The following SMARCC1 variants were observed in gnomAD, a reference collection of about 807,000 sequenced individuals.
SMARCC1 encodes SWI/SNF related BAF chromatin remodeling complex subunit C1, also known as SWI/SNF complex subunit SMARCC1.
A neutral mutation model predicts 147.4 loss-of-function variants in SMARCC1; 43 were observed. The observed-to-expected ratio is 0.29, with a 90% CI of 0.23 to 0.38. The LOEUF (loss-of-function observed/expected upper bound fraction) is 0.38, where lower values mean the gene tolerates loss of function less well. Among genes scored for constraint, SMARCC1 ranks in the 10% least tolerant of loss-of-function variants. The probability of loss-of-function intolerance (pLI) is 1.00; values close to 1 mark genes in which losing one functional copy is unlikely to be tolerated. For missense variants in SMARCC1, 1,119 were observed against 1,381.1 expected (o/e 0.81, Z 3.01); for synonymous variants, 495 against 484.4 (o/e 1.02, Z -0.29).
At chr3:47,600,529 A>G (rs1349695329) in intron 26 of SMARCC1, among the ~76,000 whole-genome samples, 1 of 152,224 alleles carries the variant, frequency 6.6e-6, no homozygotes, top group Non-Finnish European at 1.5e-5. Context: ...GCCTCAGAGA[A>G]GCTATGTAAT....
At chr3:47,704,066 G>A (rs1472540554) in intron 10 of SMARCC1, among the ~76,000 whole-genome samples, 1 of 152,106 alleles carries the variant, frequency 6.6e-6, no homozygotes, top group Non-Finnish European at 1.5e-5. Context: ...CCAAAGTGCT[G>A]GGATTACAGG....
At chr3:47,697,302 CT>C (rs763264887) in intron 11 of SMARCC1, among the ~76,000 whole-genome samples, 440 of 134,338 alleles carry the variant, frequency 3.3e-3, no homozygotes, top group East Asian at 9.6e-3. Flanking sequence ...GAGATCCTGA[CT>C]TTTTTTTTTT....
intron 2 of SMARCC1, among the ~76,000 whole-genome samples, chr3:47,750,338 G>C (rs1453609447): frequency 2.6e-5 from 4 of 152,118 alleles, no homozygotes; most frequent in Non-Finnish European, 5.9e-5. Flanking sequence ...GGGAGGCTCA[G>C]GCAGGAGAAT....
At chr3:47,732,446 A>C (rs1405800408) in intron 5 of SMARCC1, among the ~76,000 whole-genome samples, 1 of 152,216 alleles carries the variant, frequency 6.6e-6, no homozygotes, top group African/African-American at 2.4e-5. Context: ...TTGCACTAAA[A>C]ACCTAGCTGT....
At chr3:47,615,698 T>C (rs113784785) in intron 25 of SMARCC1, among the ~76,000 whole-genome samples, 1 of 151,844 alleles carries the variant, frequency 6.6e-6, no homozygotes, top group East Asian at 1.9e-4. Flanking sequence ...CTTTTCTTTT[T>C]TTAAGACAGA....
At chr3:47,679,690 A>T (rs543543448) in intron 15 of SMARCC1, among the ~76,000 whole-genome samples, 1 of 151,728 alleles carries the variant, frequency 6.6e-6, no homozygotes, top group Non-Finnish European at 1.5e-5. Context: ...GGTGAAACCC[A>T]ATCTCTACTA....
intron 24 of SMARCC1, among the ~76,000 whole-genome samples, chr3:47,623,134 C>CTT (rs763911271): frequency 8.9e-4 from 60 of 67,426 alleles, no homozygotes; most frequent in Non-Finnish European, 1.2e-3. Context: ...CTACACAAGG[C>CTT]TTTTTTTTTT....
At chr3:47,699,489 G>C (rs1185440328) in intron 11 of SMARCC1, among the ~76,000 whole-genome samples, 2 of 151,944 alleles carry the variant, frequency 1.3e-5, no homozygotes. Context: ...GATGAGTCTA[G>C]CTTCTCCTAG....
At chr3:47,765,605 C>G (rs776924990) in intron 2 of SMARCC1, among the ~76,000 whole-genome samples, 60 of 152,146 alleles carry the variant, frequency 3.9e-4, no homozygotes, top group Non-Finnish European at 7.3e-4. Context: ...AATATATATA[C>G]AACACTTACG....
Position 47,595,490 on chromosome 3 carries a change from G to A in SMARCC1, c.3044-4653C>T, listed in dbSNP as rs148766589. ...TGCAGTGAGCCGAGAATGAGCCATTGCACTCCAGCCTGGGCAACAAGAGTG... is the reference window on the plus strand; with the variant it reads ...TGCAGTGAGCCGAGAATGAGCCATTACACTCCAGCCTGGGCAACAAGAGTG... On this transcript the variant is annotated intron_variant, in intron 26 of 27. Transcript: ENST00000254480. Among the ~76,000 whole-genome samples the A allele has an allele frequency of 3.4e-3, 513 of 151,972 alleles. 2 individuals are homozygous for A. Among genetic ancestry groups the A allele is most frequent in the Non-Finnish European group, 6.0e-3 (410 of 67,970 alleles).
intron 6 of SMARCC1, among the ~76,000 whole-genome samples, chr3:47,727,718 C>T (rs1283865040): frequency 2.0e-5 from 3 of 151,822 alleles, no homozygotes; most frequent in Non-Finnish European, 2.9e-5. Flanking sequence ...CAGGTTCAAG[C>T]GATTCTCCTG....
chr3:47,735,885 A>G (rs1237038205), intron 5 of SMARCC1, 149 bp downstream of exon 5: 2 of 472,662 alleles, frequency 4.2e-6, no homozygotes, highest in Non-Finnish European at 7.4e-6. Context: ...AAAAAGAAAA[A>G]AAAAAAAAAA....
rs1397580680 is a variant in SMARCC1, at chr3:47,703,731, CAT to C, written c.1041-2331_1041-2330del. ...GCTCAAAGTTCCCTTTGAGGGATGA[CAT>C]ATTGGCTTAGGTTGAATAGGATACA... On this transcript the variant is annotated intron_variant, in intron 10 of 27. Coordinates refer to ENST00000254480, the MANE Select transcript of SMARCC1 (RefSeq NM_003074.4). Among the ~76,000 whole-genome samples, 10 of 152,160 alleles carry C rather than the reference CAT, an allele frequency of 6.6e-5. No homozygotes were observed. In the East Asian group the frequency reaches 1.7e-3, roughly 26 times the overall value.
In SMARCC1 at chr3:47,775,555, C is replaced by T. The variant is rs1011594728; in HGVS notation, c.196-2619G>A. ...TTGGGAGGCCGAGGCGGGCGAATCA[C>T]GAGGTCAGGAGATCAAGACCAACCT... is the stretch of plus-strand genomic sequence containing the variant. On this transcript the variant is annotated intron_variant, in intron 1 of 27. Transcript: ENST00000254480. Among the ~76,000 whole-genome samples, 7 of 150,030 alleles carry T rather than the reference C, an allele frequency of 4.7e-5. No homozygotes were observed. The South Asian group carries it at 1.3e-3, about 27-fold the overall frequency.
chr3:47,695,102 T>C (rs932163975), intron 11 of SMARCC1, among the ~76,000 whole-genome samples: 1 of 152,240 alleles, frequency 6.6e-6, no homozygotes, highest in African/African-American at 2.4e-5. Context: ...CCAACTGTAG[T>C]GTCCTGGTAT....
chr3:47,645,768 A>G (rs2033112958), intron 21 of SMARCC1, among the ~76,000 whole-genome samples: 2 of 152,228 alleles, frequency 1.3e-5, no homozygotes, highest in African/African-American at 2.4e-5. Context: ...GTAGGTCCAC[A>G]TTCCAAAAGG....
intron 10 of SMARCC1, chr3:47,701,670 C>T (rs1009311684): frequency 8.8e-6 from 3 of 342,482 alleles, no homozygotes; most frequent in East Asian, 8.0e-5. Flanking sequence ...AAAAATAAGC[C>T]GGGCATGGTG....
intron 6 of SMARCC1, among the ~76,000 whole-genome samples, chr3:47,721,660 C>G (rs1208023114): frequency 6.6e-6 from 1 of 152,058 alleles, no homozygotes; most frequent in Non-Finnish European, 1.5e-5. Context: ...AGCCATGAAG[C>G]CCTCATACCT....
At chr3:47,725,462 T>A (rs529821935) in intron 6 of SMARCC1, among the ~76,000 whole-genome samples, 12 of 151,884 alleles carry the variant, frequency 7.9e-5, no homozygotes, top group African/African-American at 2.2e-4. Flanking sequence ...ATATATATAT[T>A]TTTTTGGAGA....
Sources: allele counts gnomAD v4.1 joint callset (sites outside exome capture counted in the v4.1 genomes callset), GRCh38; gene constraint gnomAD v4.1.1; transcripts MANE v1.5; gene names NCBI Gene and HGNC (gene_info 2026-07-23, HGNC 2026-07-21).